Variants in PCDH9 observed in about 807,000 individuals in gnomAD.
PCDH9 encodes protocadherin 9, also known as protocadherin-9.
PCDH9 carries 24 observed loss-of-function variants against 70.6 expected under a neutral mutation model. The ratio of observed to expected loss-of-function variants is 0.34; its 90% CI spans 0.25 to 0.48. The LOEUF is 0.48. Among genes scored for constraint, PCDH9 ranks in the 20% least tolerant of loss-of-function variants. PCDH9 has a pLI of 0.99. For missense variants in PCDH9, 1,281 were observed against 1,503.6 expected, an observed-to-expected ratio of 0.85 and a Z score of 2.45; for synonymous variants, 562 against 558.5, an observed-to-expected ratio of 1.01 and a Z score of -0.09.
chr13:66,859,473 T>C (rs1382371506), intron 3 of PCDH9, among the ~76,000 whole-genome samples: 1 of 152,178 alleles, frequency 6.6e-6, no homozygotes, highest in Non-Finnish European at 1.5e-5. Context: ...ATGCAAAATC[T>C]TATAAAAACT....
chr13:66,402,774 G>A (rs1957210193), intron 4 of PCDH9, among the ~76,000 whole-genome samples: 1 of 151,884 alleles, frequency 6.6e-6, no homozygotes, highest in Non-Finnish European at 1.5e-5. Flanking sequence ...TTCACGTAAT[G>A]GAAAACAAAA....
chr13:66,848,827 C>G (rs911690367), intron 3 of PCDH9, among the ~76,000 whole-genome samples: 9 of 149,264 alleles, frequency 6.0e-5, no homozygotes, highest in Non-Finnish European at 1.2e-4. Context: ...ACACGGGAGG[C>G]TGAGGCAGGA....
chr13:67,213,746 G>C (rs1393869318), intron 2 of PCDH9: 2 of 151,978 alleles, frequency 1.3e-5, no homozygotes, highest in Non-Finnish European at 2.9e-5. Context: ...AGTTTGTTTT[G>C]TTTTAAATTC....
At chr13:66,874,744 A>T (rs931108468) in intron 3 of PCDH9, among the ~76,000 whole-genome samples, 5 of 152,304 alleles carry the variant, frequency 3.3e-5, no homozygotes, top group Non-Finnish European at 7.4e-5. Flanking sequence ...TCATTTAACA[A>T]GATAAGACGC....
chr13:66,679,055 T>C (rs1397169529), intron 3 of PCDH9, among the ~76,000 whole-genome samples: 1 of 151,616 alleles, frequency 6.6e-6, no homozygotes, highest in Non-Finnish European at 1.5e-5. Context: ...GCTTATATTA[T>C]ATAAATAATA....
At chr13:66,371,592 A>G (rs1390855574) in intron 4 of PCDH9, among the ~76,000 whole-genome samples, 1 of 152,034 alleles carries the variant, frequency 6.6e-6, no homozygotes, top group African/African-American at 2.4e-5. Flanking sequence ...TAACTACAAC[A>G]AAACTCCTTA....
chr13:67,040,408 A>C (rs1594428421), intron 2 of PCDH9, among the ~76,000 whole-genome samples: 1 of 152,168 alleles, frequency 6.6e-6, no homozygotes, highest in East Asian at 1.9e-4. Flanking sequence ...CCAGGAGTTC[A>C]ACATCAGCCT....
At chr13:67,039,548 C>A (rs560561604) in intron 2 of PCDH9, among the ~76,000 whole-genome samples, 8 of 152,218 alleles carry the variant, frequency 5.3e-5, no homozygotes, top group African/African-American at 9.6e-5. Flanking sequence ...AGTTGACTCA[C>A]AATACACCTT....
chr13:66,732,341 C>T (rs1162500219), intron 3 of PCDH9, among the ~76,000 whole-genome samples: 1 of 151,828 alleles, frequency 6.6e-6, no homozygotes, highest in Non-Finnish European at 1.5e-5. Flanking sequence ...TCCTACTGTA[C>T]TGTTGAAAAC....
At chr13:67,045,013 T>A (rs2085195590) in intron 2 of PCDH9, among the ~76,000 whole-genome samples, 1 of 152,020 alleles carries the variant, frequency 6.6e-6, no homozygotes, top group Non-Finnish European at 1.5e-5. Context: ...AGCAAAGAAA[T>A]GGAAATGCCA....
intron 4 of PCDH9, among the ~76,000 whole-genome samples, chr13:66,579,711 G>A (rs778625334): frequency 1.3e-5 from 2 of 152,020 alleles, no homozygotes; most frequent in Admixed American, 6.6e-5. Context: ...TTGTCTAAAT[G>A]AGTATACTAA....
In PCDH9 at chr13:66,788,017, C is replaced by T. The variant is rs1225561227; in HGVS notation, c.3138+115487G>A. Among the ~76,000 whole-genome samples, 4 of 152,250 alleles carry T rather than the reference C, an allele frequency of 2.6e-5. No homozygotes were observed. The East Asian group carries it at 5.8e-4, about 22-fold the overall frequency. Reference sequence around the variant, plus strand: ...GTGTAGGCACAGGAGACCTAGAGTTCGTGCAAATTTCTGTTGTACTATACT... The same window carrying T: ...GTGTAGGCACAGGAGACCTAGAGTTTGTGCAAATTTCTGTTGTACTATACT... On this transcript the variant is annotated intron_variant, in intron 3 of 4. Transcript: ENST00000377865.
At chr13:66,654,369 A>T (rs1391325925) in intron 3 of PCDH9, among the ~76,000 whole-genome samples, 1 of 152,126 alleles carries the variant, frequency 6.6e-6, no homozygotes. Context: ...GTACAAAAAT[A>T]TAATTAGAAA....
intron 2 of PCDH9, among the ~76,000 whole-genome samples, chr13:66,917,151 A>T (rs142705640): frequency 2.0e-5 from 3 of 151,600 alleles, no homozygotes; most frequent in African/African-American, 4.8e-5. Context: ...TTGATGGTTT[A>T]TGTTGATGTC....
chr13:67,156,000 C>G (rs1212765799), intron 2 of PCDH9, among the ~76,000 whole-genome samples: 1 of 152,022 alleles, frequency 6.6e-6, no homozygotes. Context: ...GGTCTCAGCT[C>G]AAATACAGTA....
At chr13:66,536,572 T>C (rs1960711644) in intron 4 of PCDH9, among the ~76,000 whole-genome samples, 1 of 152,228 alleles carries the variant, frequency 6.6e-6, no homozygotes, top group Non-Finnish European at 1.5e-5. Context: ...GTCTTGATAT[T>C]TTTGTATTTT....
intron 2 of PCDH9, among the ~76,000 whole-genome samples, chr13:67,072,749 A>G (rs1398747164): frequency 4.6e-5 from 7 of 152,030 alleles, no homozygotes. Context: ...TAGTGGAGGC[A>G]TTACGGTAAA....
At chr13:66,495,420 A>T (rs547172116) in intron 4 of PCDH9, among the ~76,000 whole-genome samples, 1 of 152,312 alleles carries the variant, frequency 6.6e-6, no homozygotes, top group South Asian at 2.1e-4. Flanking sequence ...AGCTAAGTAC[A>T]TTCAGCTGTT....
At chr13:66,787,481 T>C (rs1036660361) in intron 3 of PCDH9, among the ~76,000 whole-genome samples, 29 of 151,972 alleles carry the variant, frequency 1.9e-4, no homozygotes, top group South Asian at 2.1e-4. Context: ...CCAGGCATGG[T>C]AGCGGGTACC....
Sources: gnomAD v4.1 joint callset for allele counts (sites outside exome capture counted in the v4.1 genomes callset) on GRCh38, gnomAD v4.1.1 for gene constraint, MANE v1.5 for transcripts, NCBI Gene and HGNC (gene_info 2026-07-23, HGNC 2026-07-21) for gene names.